The following RIPOR2 variants were observed in gnomAD, a reference collection of about 807,000 sequenced individuals.
The protein encoded by RIPOR2 is RHO family interacting cell polarization regulator 2, also known as rho family-interacting cell polarization regulator 2.
A neutral mutation model predicts 114.5 loss-of-function variants in RIPOR2; 39 were observed. That is an observed-to-expected ratio of 0.34 (90% CI 0.26 to 0.44). The LOEUF is 0.44. Ranked by LOEUF, RIPOR2 falls within the 20% of genes least tolerant of loss-of-function variation. RIPOR2 has a pLI of 1.00. For missense variants in RIPOR2, 1,007 were observed against 1,255.1 expected (o/e 0.80, Z 2.99); for synonymous variants, 445 against 484.4 (o/e 0.92, Z 1.07).
chr6:24,844,560 T>C (rs906803466), intron 12 of RIPOR2, among the ~76,000 whole-genome samples: 2 of 151,982 alleles, frequency 1.3e-5, no homozygotes, highest in East Asian at 3.9e-4. Flanking sequence ...AACCTCGGCC[T>C]CCTGAGTTCA....
intron 1 of RIPOR2, among the ~76,000 whole-genome samples, chr6:24,942,796 G>A (rs562914005): frequency 6.6e-6 from 1 of 152,230 alleles, no homozygotes; most frequent in Admixed American, 6.5e-5. Flanking sequence ...TGAGTTCATT[G>A]TAGATTCTGG....
At position 24,809,823 on chromosome 6, in the gene RIPOR2, A is replaced by T; in HGVS notation, c.2953-16T>A. The T allele has an allele frequency of 6.7e-7, 1 of 1,493,838 alleles. No individual in the cohort carries two copies. The highest frequency in any genetic ancestry group is 9.1e-7 in the Non-Finnish European group (1 of 1,094,276). The allele number at this position is 1,493,838 out of a possible 1,614,324, so 92.5% of individuals were successfully genotyped here. ...TTTCAGTAGCCTATGGGGGAAAAAT[A>T]GGTTAAATCGTGTTTTGACATTTAG... is the stretch of plus-strand genomic sequence containing the variant. On this transcript the variant is annotated splice_polypyrimidine_tract_variant and intron_variant, in intron 20 of 21. Coordinates refer to ENST00000643898, the MANE Select transcript of RIPOR2 (RefSeq NM_001286445.3).
intron 1 of RIPOR2, among the ~76,000 whole-genome samples, chr6:24,966,103 T>A (rs1773513973): frequency 6.6e-6 from 1 of 152,238 alleles, no homozygotes; most frequent in Non-Finnish European, 1.5e-5. Flanking sequence ...TTTCCTCCTT[T>A]GGCTCTGGTA....
chr6:24,967,909 C>CCTTTTTTTTTTTTTTTTTTTTTT, intron 1 of RIPOR2, among the ~76,000 whole-genome samples: 1 of 123,518 alleles, frequency 8.1e-6, no homozygotes. Flanking sequence ...AGATCTCAAT[C>CCTTTTTTTTTTTTTTTTTTTTTT]TTTTTTTTTT....
intron 5 of RIPOR2, among the ~76,000 whole-genome samples, chr6:24,870,250 T>C (rs375234998): frequency 6.6e-6 from 1 of 152,304 alleles, no homozygotes; most frequent in African/African-American, 2.4e-5. Flanking sequence ...TGAAGTATAG[T>C]AATTTATATT....
In RIPOR2 at chr6:24,859,653, C is replaced by G. The variant is rs1763855649; in HGVS notation, c.715+1320G>C. 1.3e-5 allele frequency among the ~76,000 whole-genome samples: 2 copies of G among 152,228 alleles called. 1 individual carries two copies. Among genetic ancestry groups the G allele is most frequent in the Middle Eastern group, 6.8e-3 (2 of 294 alleles). ...GATCTGCCGGAAGAGAAGCATGCAG[C>G]CATTTGGGAAGCTGAGGGTCAAGGT... On this transcript the variant is annotated intron_variant, in intron 8 of 21. Transcript: ENST00000643898.
At chr6:24,948,976 C>T (rs1772607090) in intron 1 of RIPOR2, among the ~76,000 whole-genome samples, 1 of 152,190 alleles carries the variant, frequency 6.6e-6, no homozygotes, top group Non-Finnish European at 1.5e-5. Context: ...CCCTCTTGTC[C>T]CTGTTCCCTG....
rs1238979964 is a variant in RIPOR2, at chr6:24,809,611, G to C, written c.3043+106C>G. ...CTACAGCGGGGAAACTGCTAAACAG[G>C]GTACATGAAACTTCTCCTTACTGGA... On this transcript the variant is annotated intron_variant, in intron 21 of 21. Coordinates refer to ENST00000643898, the MANE Select transcript of RIPOR2 (RefSeq NM_001286445.3). The C allele has an allele frequency of 5.3e-6, 4 of 748,512 alleles. No homozygotes were observed. The Admixed American group carries it at 8.5e-5, about 16-fold the overall frequency. 46.4% of individuals were successfully genotyped at this position (748,512 alleles called of 1,614,324 possible). A position where few individuals can be genotyped will look rare whatever the true frequency, so the allele number is the denominator to read the frequency against.
chr6:25,020,833 G>A (rs1465461298), intron 1 of RIPOR2, among the ~76,000 whole-genome samples: 2 of 152,032 alleles, frequency 1.3e-5, no homozygotes, highest in African/African-American at 2.4e-5. Context: ...TTGGGGACAA[G>A]GTTCATGTCT....
intron 1 of RIPOR2, among the ~76,000 whole-genome samples, chr6:25,000,120 C>T (rs914889023): frequency 2.6e-5 from 4 of 152,214 alleles, no homozygotes; most frequent in Non-Finnish European, 5.9e-5. Flanking sequence ...AAGTCTAGTC[C>T]TATGCACACA....
chr6:24,878,939 A>T (rs1766083694), intron 1 of RIPOR2, among the ~76,000 whole-genome samples: 1 of 89,904 alleles, frequency 1.1e-5, no homozygotes, highest in Non-Finnish European at 2.2e-5. Flanking sequence ...CTTCTTCCTC[A>T]TTTTCTGTAA....
intron 13 of RIPOR2, among the ~76,000 whole-genome samples, chr6:24,842,402 T>C (rs1306409552): frequency 2.6e-5 from 4 of 152,158 alleles, no homozygotes; most frequent in Non-Finnish European, 5.9e-5. Context: ...ACTTGGTTAT[T>C]TGGACCAATT....
chr6:25,031,581 ATGAG>A (rs763069585), intron 1 of RIPOR2, among the ~76,000 whole-genome samples: 1 of 149,376 alleles, frequency 6.7e-6, no homozygotes, highest in African/African-American at 2.5e-5. Flanking sequence ...ATACATATAT[ATGAG>A]TGTTTAGAAT....
intron 1 of RIPOR2, among the ~76,000 whole-genome samples, chr6:24,991,694 A>C (rs1774822802): frequency 6.6e-6 from 1 of 152,146 alleles, no homozygotes; most frequent in East Asian, 1.9e-4. Flanking sequence ...TTAGGTGGCC[A>C]CCAAAACTGG....
intron 13 of RIPOR2, among the ~76,000 whole-genome samples, chr6:24,841,617 A>T (rs548207011): frequency 6.3e-5 from 8 of 127,504 alleles, no homozygotes; most frequent in African/African-American, 1.7e-4. Flanking sequence ...CAATCACCAT[A>T]TTTTTTTTTT....
chr6:25,018,107 C>T (rs558262933), intron 1 of RIPOR2, among the ~76,000 whole-genome samples: 1 of 152,264 alleles, frequency 6.6e-6, no homozygotes, highest in East Asian at 1.9e-4. Flanking sequence ...CTCTTACCTC[C>T]TTGCTTATTT....
intron 1 of RIPOR2, among the ~76,000 whole-genome samples, chr6:24,918,386 A>G (rs974701394): frequency 6.6e-6 from 1 of 152,180 alleles, no homozygotes; most frequent in Non-Finnish European, 1.5e-5. Flanking sequence ...TTCTTCAGGT[A>G]GCTCCTTTAA....
intron 1 of RIPOR2, among the ~76,000 whole-genome samples, chr6:24,901,514 T>C (rs1434519967): frequency 6.6e-6 from 1 of 152,216 alleles, no homozygotes; most frequent in Non-Finnish European, 1.5e-5. Flanking sequence ...AAGACCATTA[T>C]GACAAAATTC....
chr6:24,931,087 T>C (rs1771355955), intron 1 of RIPOR2, among the ~76,000 whole-genome samples: 1 of 152,230 alleles, frequency 6.6e-6, no homozygotes, highest in East Asian at 1.9e-4. Flanking sequence ...GTACATAATA[T>C]GAATTTAATT....
Sources: gnomAD v4.1 joint callset for allele counts (sites outside exome capture counted in the v4.1 genomes callset) on GRCh38, gnomAD v4.1.1 for gene constraint, MANE v1.5 for transcripts, NCBI Gene and HGNC (gene_info 2026-07-23, HGNC 2026-07-21) for gene names.